The following LRRC1 variants were observed in gnomAD, a reference collection of about 807,000 sequenced individuals.
The protein encoded by LRRC1 is leucine-rich repeat-containing protein 1.
LRRC1 carries 28 observed loss-of-function variants against 69.9 expected under a neutral mutation model. That is an observed-to-expected ratio of 0.40 (90% CI 0.30 to 0.55). The LOEUF (loss-of-function observed/expected upper bound fraction) is 0.55. Ranked by LOEUF, LRRC1 falls within the 20% of genes least tolerant of loss-of-function variation. The pLI, the probability that LRRC1 is intolerant of heterozygous loss-of-function variation, is 0.47. For synonymous variants in LRRC1, 236 were observed against 240.2 expected (o/e 0.98, Z 0.16); for missense variants, 498 against 609.0 (o/e 0.82, Z 1.92).
intron 2 of LRRC1, among the ~76,000 whole-genome samples, chr6:53,876,019 A>AGTT (rs1347843463): frequency 2.6e-5 from 4 of 152,266 alleles, no homozygotes; most frequent in South Asian, 2.1e-4. Flanking sequence ...TGTGGAAGAC[A>AGTT]GTTGTATTAG....
At chr6:53,872,563 T>C (rs747201335) in intron 2 of LRRC1, among the ~76,000 whole-genome samples, 11 of 152,120 alleles carry the variant, frequency 7.2e-5, no homozygotes, top group South Asian at 6.2e-4. Flanking sequence ...TCAGGTAGTA[T>C]GTTGCTTCCA....
At chr6:53,833,340 G>C (rs1234681326) in intron 1 of LRRC1, among the ~76,000 whole-genome samples, 1 of 152,144 alleles carries the variant, frequency 6.6e-6, no homozygotes, top group African/African-American at 2.4e-5. Flanking sequence ...TCACCCTTGA[G>C]CTATTTTAAT....
At chr6:53,823,230 A>T (rs1176594591) in intron 1 of LRRC1, among the ~76,000 whole-genome samples, 1 of 152,230 alleles carries the variant, frequency 6.6e-6, no homozygotes, top group Non-Finnish European at 1.5e-5. Context: ...AGTATGGACC[A>T]TATTGATAGG....
rs575219309 is a variant in LRRC1 at position 53,798,541 on chromosome 6, G to A, written c.159+3126G>A. ...CTACAGGTGCCCACCACCACACCCA[G>A]CTAATTTTTTAGTATTTTTAGTAGA... On this transcript the variant is annotated intron_variant, in intron 1 of 13. Coordinates refer to ENST00000370888, the MANE Select transcript of LRRC1 (RefSeq NM_018214.5). Among the ~76,000 whole-genome samples the A allele has an allele frequency of 8.5e-5, 13 of 152,234 alleles. No individual in the cohort carries two copies. The East Asian group carries it at 2.1e-3, about 25-fold the overall frequency.
chr6:53,813,389 C>T (rs778331672), intron 1 of LRRC1, among the ~76,000 whole-genome samples: 15 of 152,062 alleles, frequency 9.9e-5, no homozygotes, highest in Non-Finnish European at 1.9e-4. Flanking sequence ...GTGGCAGCGC[C>T]AAGTGGGCAA....
At chr6:53,903,611 A>G (rs967134386) in intron 9 of LRRC1, among the ~76,000 whole-genome samples, 6 of 149,750 alleles carry the variant, frequency 4.0e-5, no homozygotes, top group Admixed American at 2.0e-4. Context: ...TTCTCTATAA[A>G]TAGAGTAAGT....
At chr6:53,918,904 A>C (rs1327195705) in intron 11 of LRRC1, 1 of 152,184 alleles carries the variant, frequency 6.6e-6, no homozygotes, top group East Asian at 1.9e-4. Flanking sequence ...CTAGAAACTG[A>C]GAGATAAAGG....
intron 1 of LRRC1, among the ~76,000 whole-genome samples, chr6:53,819,441 C>T (rs968402704): frequency 6.6e-6 from 1 of 152,070 alleles, no homozygotes; most frequent in African/African-American, 2.4e-5. Flanking sequence ...TAAATACTTA[C>T]TAAGTGAATA....
chr6:53,871,400 T>A (rs1474830198), intron 2 of LRRC1, among the ~76,000 whole-genome samples: 1 of 152,154 alleles, frequency 6.6e-6, no homozygotes, highest in Non-Finnish European at 1.5e-5. Context: ...ATGCTGGGCA[T>A]TTTTTTCGTG....
At position 53,922,752 on chromosome 6, in the gene LRRC1, G is replaced by A. The variant is rs761915713; in HGVS notation, c.1534G>A (p.Glu512Lys). ...AAKGLDSNKN[E>K]VNHAIDRVTT... ...TAAAGGACTGGACTCAAACAAAAAC[G>A]AGGTCAATCATGCCATTGACCGAGT... The change falls in exon 14 of 14, where the codon GAG (glutamate) becomes AAG (lysine). Residue 512 changes from glutamate to lysine, a missense_variant. By Grantham distance (56) the Glu-to-Lys change is moderately conservative (BLOSUM62 1). Coordinates refer to ENST00000370888, the MANE Select transcript of LRRC1 (RefSeq NM_018214.5). The A allele has an allele frequency of 1.9e-5, 30 of 1,614,058 alleles. 1 individual carries two copies. In the South Asian group the frequency reaches 2.6e-4, roughly 14 times the overall value.
intron 3 of LRRC1, 105 bp from the exon 4 acceptor site, chr6:53,882,782 G>A: frequency 1.5e-6 from 1 of 648,614 alleles, no homozygotes; most frequent in Non-Finnish European, 2.5e-6. Flanking sequence ...TTTTTAGGAG[G>A]TTATTTCAGT....
chr6:53,807,273 C>A (rs1449024813), intron 1 of LRRC1, among the ~76,000 whole-genome samples: 1 of 152,120 alleles, frequency 6.6e-6, no homozygotes, highest in East Asian at 1.9e-4. Context: ...GACAGACCCT[C>A]CCTCCTCCTT....
At position 53,877,432 on chromosome 6, in the gene LRRC1, A is replaced by G. The variant is rs189411460; in HGVS notation, c.278-1561A>G. On this transcript the variant is annotated intron_variant, in intron 2 of 13. Coordinates refer to ENST00000370888, the MANE Select transcript of LRRC1 (RefSeq NM_018214.5). ...GTTACTTATGCAAGTTTCTTCAGCC[A>G]GCTTGAATTTCTCCTCAGAAAATGT... Among the ~76,000 whole-genome samples the G allele has an allele frequency of 2.1e-3, 320 of 152,300 alleles. 1 individual carries two copies. Among genetic ancestry groups the G allele is most frequent in the Non-Finnish European group, 2.6e-3 (175 of 68,014 alleles).
chr6:53,915,530 A>G (rs1768536206), intron 11 of LRRC1, among the ~76,000 whole-genome samples: 1 of 152,156 alleles, frequency 6.6e-6, no homozygotes, highest in Admixed American at 6.5e-5. Context: ...AGCAATAGCA[A>G]CTCAATGAGT....
intron 3 of LRRC1, among the ~76,000 whole-genome samples, chr6:53,879,858 C>T (rs1442065296): frequency 2.6e-5 from 4 of 152,190 alleles, no homozygotes; most frequent in African/African-American, 9.7e-5. Context: ...TGAGTCCACT[C>T]ACCATGGGCT....
At chr6:53,904,153 C>G (rs1265437856) in intron 9 of LRRC1, among the ~76,000 whole-genome samples, 2 of 152,258 alleles carry the variant, frequency 1.3e-5, no homozygotes, top group East Asian at 3.8e-4. Flanking sequence ...CAGGTCTCTA[C>G]TTTTGACTTC....
chr6:53,890,188 A>G (rs1036937245), intron 4 of LRRC1, among the ~76,000 whole-genome samples: 10 of 152,162 alleles, frequency 6.6e-5, no homozygotes, highest in African/African-American at 2.4e-4. Context: ...ACCCTCAAAT[A>G]TGTTAGCCTA....
At chr6:53,838,325 C>G (rs548091954) in intron 1 of LRRC1, among the ~76,000 whole-genome samples, 2 of 152,186 alleles carry the variant, frequency 1.3e-5, no homozygotes, top group Non-Finnish European at 2.9e-5. Context: ...TTGTGACAGG[C>G]TCTAGTGGAG....
intron 2 of LRRC1, among the ~76,000 whole-genome samples, chr6:53,862,869 C>G (rs1358027737): frequency 6.6e-6 from 1 of 152,192 alleles, no homozygotes; most frequent in East Asian, 1.9e-4. Flanking sequence ...GCTGTGGTAG[C>G]AAATGCAGAC....
Sources: gnomAD v4.1 joint callset for allele counts (sites outside exome capture counted in the v4.1 genomes callset) on GRCh38, gnomAD v4.1.1 for gene constraint, MANE v1.5 for transcripts, NCBI Gene and HGNC (gene_info 2026-07-23, HGNC 2026-07-21) for gene names.